The following DGKI variants were observed in gnomAD, a reference collection of about 807,000 sequenced individuals.
DGKI encodes diacylglycerol kinase iota, also known as DAG kinase iota.
Under a neutral mutation model 147.5 loss-of-function variants are expected in DGKI, and 55 were observed. The ratio of observed to expected loss-of-function variants is 0.37; its 90% CI spans 0.30 to 0.47. The LOEUF (loss-of-function observed/expected upper bound fraction) is 0.47, where lower values mean the gene tolerates loss of function less well. DGKI is among the 20% of genes least tolerant of loss of function. DGKI has a pLI of 1.00. For missense variants in DGKI, 1,007 were observed against 1,323.8 expected (o/e 0.76, Z 3.71); for synonymous variants, 469 against 477.1 (o/e 0.98, Z 0.22).
chr7:137,537,330 A>G (rs1445127591), intron 20 of DGKI, among the ~76,000 whole-genome samples: 1 of 152,196 alleles, frequency 6.6e-6, no homozygotes, highest in Non-Finnish European at 1.5e-5. Flanking sequence ...AAGATTCAGC[A>G]AATAGCATGC....
intron 1 of DGKI, among the ~76,000 whole-genome samples, chr7:137,836,742 T>C (rs987480561): frequency 3.3e-5 from 5 of 152,196 alleles, no homozygotes; most frequent in Admixed American, 6.5e-5. Flanking sequence ...AAAAACACCA[T>C]GGAAAGCTCA....
chr7:137,532,775 C>G (rs184134184), intron 20 of DGKI, among the ~76,000 whole-genome samples: 1 of 152,166 alleles, frequency 6.6e-6, no homozygotes, highest in African/African-American at 2.4e-5. Flanking sequence ...TTTCCCTTCT[C>G]TAATTCCTGA....
intron 1 of DGKI, among the ~76,000 whole-genome samples, chr7:137,738,075 T>C (rs1795075351): frequency 6.6e-6 from 1 of 152,170 alleles, no homozygotes; most frequent in Non-Finnish European, 1.5e-5. Context: ...TACTCAAGGA[T>C]TTTCTCATTT....
chr7:137,633,832 C>T (rs369092376), intron 6 of DGKI, among the ~76,000 whole-genome samples: 3 of 152,308 alleles, frequency 2.0e-5, no homozygotes, highest in South Asian at 4.1e-4. Context: ...CAGGCATGTA[C>T]CAGGGCTTTC....
chr7:137,747,898 A>G (rs775699517), intron 1 of DGKI, among the ~76,000 whole-genome samples: 1 of 152,226 alleles, frequency 6.6e-6, no homozygotes, highest in Non-Finnish European at 1.5e-5. Flanking sequence ...AATTGATCAG[A>G]TTCCAGGACT....
At chr7:137,596,333 G>T (rs550242779) in intron 12 of DGKI, among the ~76,000 whole-genome samples, 1 of 152,306 alleles carries the variant, frequency 6.6e-6, no homozygotes, top group African/African-American at 2.4e-5. Context: ...ATAACTATGG[G>T]TATGGTAAAG....
At chr7:137,787,446 A>T (rs1434805561) in intron 1 of DGKI, among the ~76,000 whole-genome samples, 1 of 152,150 alleles carries the variant, frequency 6.6e-6, no homozygotes, top group Non-Finnish European at 1.5e-5. Flanking sequence ...GAATGCCCAT[A>T]AGCAAAAAAC....
intron 1 of DGKI, among the ~76,000 whole-genome samples, chr7:137,773,876 G>A (rs1375127173): frequency 1.3e-5 from 2 of 152,146 alleles, no homozygotes; most frequent in Non-Finnish European, 2.9e-5. Flanking sequence ...AGCCTGCTAA[G>A]GGCCACAGAA....
intron 28 of DGKI, among the ~76,000 whole-genome samples, chr7:137,433,929 C>A (rs919506999): frequency 2.6e-5 from 4 of 151,946 alleles, no homozygotes; most frequent in Non-Finnish European, 5.9e-5. Flanking sequence ...ACCAGCCTGG[C>A]CAACATGGTG....
chr7:137,682,255 A>C (rs1823264428), intron 2 of DGKI, among the ~76,000 whole-genome samples: 1 of 152,162 alleles, frequency 6.6e-6, no homozygotes, highest in African/African-American at 2.4e-5. Context: ...ACAAGAATGC[A>C]GTAGACAAAT....
intron 29 of DGKI, among the ~76,000 whole-genome samples, chr7:137,410,359 C>T (rs142872698): frequency 0.016 from 2,469 of 152,194 alleles, 67 homozygotes; most frequent in African/African-American, 0.056. Flanking sequence ...GAGCCGAGAT[C>T]GTGCCACTGC....
At chr7:137,814,019 T>C (rs1199043955) in intron 1 of DGKI, among the ~76,000 whole-genome samples, 1 of 152,152 alleles carries the variant, frequency 6.6e-6, no homozygotes, top group Non-Finnish European at 1.5e-5. Flanking sequence ...ACAGGACATA[T>C]TGTGAAACCC....
At chr7:137,751,998 T>C (rs1795503603) in intron 1 of DGKI, among the ~76,000 whole-genome samples, 2 of 152,232 alleles carry the variant, frequency 1.3e-5, no homozygotes, top group Non-Finnish European at 2.9e-5. Flanking sequence ...TTTAACGCAA[T>C]GTACATAAGG....
intron 1 of DGKI, among the ~76,000 whole-genome samples, chr7:137,832,777 T>C (rs2117076435): frequency 6.6e-6 from 1 of 152,380 alleles, no homozygotes; most frequent in Admixed American, 6.5e-5. Flanking sequence ...GCTGCAAATT[T>C]TCTGAACTTT....
At chr7:137,590,586 C>G (rs991139014) in intron 12 of DGKI, among the ~76,000 whole-genome samples, 2 of 152,210 alleles carry the variant, frequency 1.3e-5, no homozygotes, top group Non-Finnish European at 2.9e-5. Context: ...AATACTAAAA[C>G]AGATGGAACG....
At chr7:137,482,796 G>T (rs1045061657) in intron 23 of DGKI, among the ~76,000 whole-genome samples, 1 of 151,912 alleles carries the variant, frequency 6.6e-6, no homozygotes, top group African/African-American at 2.4e-5. Flanking sequence ...CAAATTCTGG[G>T]CTTCTTGGAT....
intron 20 of DGKI, among the ~76,000 whole-genome samples, chr7:137,543,962 G>A (rs1466437463): frequency 6.6e-6 from 1 of 152,062 alleles, no homozygotes; most frequent in Non-Finnish European, 1.5e-5. Context: ...TGTTTATTAT[G>A]TAAATGTTTT....
chr7:137,792,365 C>T (rs754941110), intron 1 of DGKI, among the ~76,000 whole-genome samples: 1 of 152,170 alleles, frequency 6.6e-6, no homozygotes, highest in African/African-American at 2.4e-5. Flanking sequence ...CAACATATTT[C>T]ATTCCTACAT....
intron 19 of DGKI, 89 bp downstream of exon 19, chr7:137,571,086 A>T (rs941170373): frequency 2.7e-5 from 24 of 895,912 alleles, no homozygotes; most frequent in Non-Finnish European, 1.2e-5. Flanking sequence ...TTGATAAAGC[A>T]GGAGAAAAAG....
Sources: allele counts gnomAD v4.1 joint callset (sites outside exome capture counted in the v4.1 genomes callset), GRCh38; gene constraint gnomAD v4.1.1; transcripts MANE v1.5; gene names NCBI Gene and HGNC (gene_info 2026-07-23, HGNC 2026-07-21).